GIGYF2: variants seen among roughly 807,000 people sequenced by gnomAD.
GIGYF2 encodes the protein GRB10-interacting GYF protein 2.
GIGYF2 carries 25 observed loss-of-function variants against 208.1 expected under a neutral mutation model. The ratio of observed to expected loss-of-function variants is 0.12; its 90% confidence interval spans 0.09 to 0.17. The LOEUF (loss-of-function observed/expected upper bound fraction) is 0.17. GIGYF2 is among the 10% of genes least tolerant of loss of function. The pLI is 1.00. For synonymous variants in GIGYF2, 534 were observed against 543.8 expected (o/e 0.98, Z 0.25); for missense variants, 1,302 against 1,579.4 (o/e 0.82, Z 2.98).
At chr2:232,751,728 T>C (rs1336137188) in intron 5 of GIGYF2, among the ~76,000 whole-genome samples, 2 of 152,202 alleles carry the variant, frequency 1.3e-5, no homozygotes, top group African/African-American at 2.4e-5. Context: ...TGTGGTAGAC[T>C]TTTATTCAAC....
chr2:232,832,945 C>A lies in GIGYF2; in HGVS notation c.2618C>A (p.Ala873Asp), dbSNP rs866163470. The A allele has an allele frequency of 2.5e-6, 4 of 1,569,564 alleles. No individual in the cohort carries two copies. In the East Asian group the frequency reaches 7.1e-5, roughly 28 times the overall value. The change falls in exon 22 of 29, where the codon GCC (alanine) becomes GAC (aspartate). Residue 873 changes from alanine (A) to aspartate (D), a missense_variant. Ala to Asp is a moderately radical substitution (Grantham distance 126). This residue lies in a region of GIGYF2 where 701 missense variants were observed against 793.0 expected (regional missense o/e 0.88). Coordinates refer to ENST00000373563, the MANE Select transcript of GIGYF2 (RefSeq NM_001103146.3). ...CGGCTGCGGATGGAAGAGGAGGCAGCCAGACTCCGGCATGAGGAAGAAGAA... is the reference window on the plus strand; with the variant it reads ...CGGCTGCGGATGGAAGAGGAGGCAGACAGACTCCGGCATGAGGAAGAAGAA... Reference protein sequence around the residue: ...ENRLRMEEEAARLRHEEEERK... With the variant: ...ENRLRMEEEADRLRHEEEERK...
chr2:232,709,692 C>A (rs1180258508), intron 2 of GIGYF2, among the ~76,000 whole-genome samples: 1 of 151,796 alleles, frequency 6.6e-6, no homozygotes, highest in Non-Finnish European at 1.5e-5. Flanking sequence ...GCCTATAATC[C>A]CAGCTACTTG....
At chr2:232,737,421 G>T (rs539709160) in intron 3 of GIGYF2, among the ~76,000 whole-genome samples, 2 of 152,264 alleles carry the variant, frequency 1.3e-5, no homozygotes, top group African/African-American at 4.8e-5. Context: ...AGACATTAGA[G>T]CTTAGGAGCA....
rs753145713 is a variant in GIGYF2 at position 232,794,859 on chromosome 2, T to A, written c.1394T>A (p.Val465Asp). 1 of 1,613,962 alleles carries A rather than the reference T, an allele frequency of 6.2e-7. No homozygotes were observed. Among genetic ancestry groups the A allele is most frequent in the South Asian group, 1.1e-5 (1 of 91,070 alleles). Residue 465 changes from valine (V) to aspartate (D), a missense_variant, in exon 13 of 29, where the codon GTT becomes GAT. Val to Asp is a radical substitution (Grantham distance 152). Around this residue, in one of 8 missense-constraint regions of GIGYF2, gnomAD observed 235 missense variants for 218.8 expected, o/e 1.07. Transcript: ENST00000373563. The stretch of plus-strand genomic sequence containing the variant: ...AATCCTAGTCCTACTCTCCGGCCAG[T>A]TGAAACACCAGTTGTAGGTGCTCCT... ...VPNPSPTLRPVETPVVGAPGM... is the reference protein window; with the variant it reads ...VPNPSPTLRPDETPVVGAPGM...
At chr2:232,791,852 A>G (rs936013956) in intron 12 of GIGYF2, among the ~76,000 whole-genome samples, 2 of 152,196 alleles carry the variant, frequency 1.3e-5, no homozygotes, top group Non-Finnish European at 2.9e-5. Flanking sequence ...CTAAAAGAGG[A>G]CAAGTAGAGA....
At chr2:232,704,279 G>A (rs1332515519) in intron 2 of GIGYF2, among the ~76,000 whole-genome samples, 1 of 152,174 alleles carries the variant, frequency 6.6e-6, no homozygotes, top group East Asian at 1.9e-4. Context: ...AATGTCCTGT[G>A]TATAGCTCTG....
intron 8 of GIGYF2, among the ~76,000 whole-genome samples, chr2:232,772,061 T>C (rs1218576468): frequency 6.6e-6 from 1 of 152,330 alleles, no homozygotes; most frequent in East Asian, 1.9e-4. Flanking sequence ...CATAGCTCAC[T>C]GCAACCTCAG....
chr2:232,781,957 A>T (rs1699735225), intron 8 of GIGYF2, among the ~76,000 whole-genome samples: 1 of 152,198 alleles, frequency 6.6e-6, no homozygotes, highest in East Asian at 1.9e-4. Flanking sequence ...TGGTTGACTT[A>T]ATCTCTTGTG....
At chr2:232,801,668 A>G (rs1464368820) in intron 14 of GIGYF2, among the ~76,000 whole-genome samples, 2 of 152,230 alleles carry the variant, frequency 1.3e-5, no homozygotes, top group East Asian at 1.9e-4. Flanking sequence ...AGTGTTTTTT[A>G]AGAGTACAAT....
chr2:232,784,795 G>A (rs1300290790), intron 8 of GIGYF2, among the ~76,000 whole-genome samples: 2 of 152,168 alleles, frequency 1.3e-5, no homozygotes, highest in Non-Finnish European at 2.9e-5. Context: ...TTGGATGTTT[G>A]TCCCCTCCAG....
intron 12 of GIGYF2, 43 bp downstream of exon 12, chr2:232,791,489 T>A (rs1700069294): frequency 1.3e-6 from 2 of 1,528,380 alleles, no homozygotes; most frequent in Non-Finnish European, 1.8e-6. Flanking sequence ...AGGATTCTGC[T>A]GAGGCCAGTG....
At chr2:232,821,979 C>T (rs1213811494) in intron 21 of GIGYF2, among the ~76,000 whole-genome samples, 2 of 148,408 alleles carry the variant, frequency 1.3e-5, no homozygotes, top group Non-Finnish European at 3.0e-5. Flanking sequence ...CCTTTTCTTC[C>T]ATTGATAAGT....
At chr2:232,752,722 A>G (rs576572471) in intron 5 of GIGYF2, among the ~76,000 whole-genome samples, 1 of 152,062 alleles carries the variant, frequency 6.6e-6, no homozygotes, top group Admixed American at 6.5e-5. Context: ...TTGTATTTTT[A>G]GTAGAGACGG....
Position 232,729,682 on chromosome 2 carries a change from G to A in GIGYF2, c.-43-5473G>A, listed in dbSNP as rs529960513. ...ATCCCACTTGAACTAGTTTAGATGAGCCCCAGACTAAGCCATCTGCTTGAA... is the reference window on the plus strand; with the variant it reads ...ATCCCACTTGAACTAGTTTAGATGAACCCCAGACTAAGCCATCTGCTTGAA... On this transcript the variant is annotated intron_variant, in intron 2 of 28. Transcript: ENST00000373563. The A allele has an allele frequency of 7.6e-5, 64 of 837,982 alleles. No individual in the cohort carries two copies. In the Middle Eastern group the frequency reaches 1.1e-3, roughly 14 times the overall value. The allele number at this position is 837,982 out of a possible 1,614,324, so 51.9% of individuals were successfully genotyped here. A position where few individuals can be genotyped will look rare whatever the true frequency, so the allele number is the denominator to read the frequency against.
At chr2:232,788,853 T>C (rs1325224213) in intron 9 of GIGYF2, among the ~76,000 whole-genome samples, 1 of 151,888 alleles carries the variant, frequency 6.6e-6, no homozygotes, top group East Asian at 1.9e-4. Flanking sequence ...GAAATCCATA[T>C]ATTTTTAAAA....
intron 2 of GIGYF2, among the ~76,000 whole-genome samples, chr2:232,718,684 A>G (rs1487052882): frequency 6.6e-6 from 1 of 152,246 alleles, no homozygotes; most frequent in East Asian, 1.9e-4. Context: ...ATTTGCACTA[A>G]TAAAGTTATT....
intron 13 of GIGYF2, among the ~76,000 whole-genome samples, chr2:232,795,242 G>C (rs1700187591): frequency 6.6e-6 from 1 of 152,152 alleles, no homozygotes; most frequent in East Asian, 1.9e-4. Context: ...AATACAAGCA[G>C]CTGTGGATGG....
chr2:232,742,023 T>G (rs1697986356), intron 3 of GIGYF2, among the ~76,000 whole-genome samples: 1 of 146,740 alleles, frequency 6.8e-6, no homozygotes, highest in Non-Finnish European at 1.5e-5. Flanking sequence ...ACTTAACATC[T>G]CCTTCCTAGC....
At chr2:232,745,404 A>G (rs545815354) in intron 3 of GIGYF2, among the ~76,000 whole-genome samples, 4 of 152,288 alleles carry the variant, frequency 2.6e-5, no homozygotes, top group Admixed American at 6.5e-5. Flanking sequence ...TGCTAGGGTC[A>G]TGTCAAAAGG....
Sources: allele counts gnomAD v4.1 joint callset (sites outside exome capture counted in the v4.1 genomes callset), GRCh38; gene constraint gnomAD v4.1.1; regional missense constraint gnomAD v4.1.1; transcripts MANE v1.5; gene names NCBI Gene and HGNC (gene_info 2026-07-23, HGNC 2026-07-21).